ASTN2: variants seen among roughly 807,000 people sequenced by gnomAD.
ASTN2 encodes astrotactin-2.
In ASTN2, 54 loss-of-function variants were observed where a neutral mutation model predicts 139.8. The observed-to-expected ratio is 0.39, with a 90% CI of 0.31 to 0.48. The LOEUF (loss-of-function observed/expected upper bound fraction) is 0.48. Among genes scored for constraint, ASTN2 ranks in the 20% least tolerant of loss-of-function variants. ASTN2 has a pLI of 0.95. For missense variants in ASTN2, 1,565 were observed against 1,725.1 expected (o/e 0.91, Z 1.64); for synonymous variants, 756 against 719.5 (o/e 1.05, Z -0.81).
chr9:117,159,196 T>G (rs1830494114), intron 3 of ASTN2, among the ~76,000 whole-genome samples: 1 of 152,010 alleles, frequency 6.6e-6, no homozygotes, highest in South Asian at 2.1e-4. Flanking sequence ...ATCGCAGGCC[T>G]GTCGTCTGCT....
chr9:116,930,784 A>G (rs1834874771), intron 10 of ASTN2, among the ~76,000 whole-genome samples: 1 of 152,196 alleles, frequency 6.6e-6, no homozygotes, highest in Admixed American at 6.5e-5. Flanking sequence ...CCCAAGGCAG[A>G]CATTTTTTGG....
chr9:117,349,658 T>C (rs1472806093), intron 1 of ASTN2, among the ~76,000 whole-genome samples: 1 of 152,184 alleles, frequency 6.6e-6, no homozygotes, highest in Non-Finnish European at 1.5e-5. Context: ...TAGACTGGAC[T>C]TAATGACTCA....
At chr9:116,831,227 G>A (rs1472491836) in intron 11 of ASTN2, among the ~76,000 whole-genome samples, 3 of 151,938 alleles carry the variant, frequency 2.0e-5, no homozygotes, top group Non-Finnish European at 4.4e-5. Flanking sequence ...AGAGTATGAG[G>A]GTTGACAAAG....
At chr9:117,167,507 A>C (rs983342542) in intron 3 of ASTN2, among the ~76,000 whole-genome samples, 8 of 152,166 alleles carry the variant, frequency 5.3e-5, no homozygotes, top group African/African-American at 1.4e-4. Flanking sequence ...ATCAGAATAC[A>C]ACAAACGCTC....
At chr9:116,441,108 G>T (rs1416721428) in intron 21 of ASTN2, among the ~76,000 whole-genome samples, 1 of 152,078 alleles carries the variant, frequency 6.6e-6, no homozygotes, top group Admixed American at 6.5e-5. Flanking sequence ...TATAATTATT[G>T]TACCTGTGAT....
chr9:117,315,549 G>A (rs1201002958), intron 1 of ASTN2, among the ~76,000 whole-genome samples: 1 of 152,220 alleles, frequency 6.6e-6, no homozygotes, highest in African/African-American at 2.4e-5. Flanking sequence ...ATGGGAGTAA[G>A]AACACCTTCT....
At chr9:117,120,018 GTATATATATATATA>G (rs200361826) in intron 4 of ASTN2, among the ~76,000 whole-genome samples, 8 of 46,000 alleles carry the variant, frequency 1.7e-4, no homozygotes, top group African/African-American at 3.3e-4. Context: ...GTGTGTGTGT[GTATATATATATATA>G]TATATATATA....
At chr9:116,560,173 C>A (rs1246236749) in intron 19 of ASTN2, among the ~76,000 whole-genome samples, 5 of 152,156 alleles carry the variant, frequency 3.3e-5, no homozygotes, top group Non-Finnish European at 7.3e-5. Context: ...TTACACATTT[C>A]TTTGGCTTAT....
intron 20 of ASTN2, among the ~76,000 whole-genome samples, chr9:116,463,697 T>G (rs1055806727): frequency 1.3e-5 from 2 of 152,190 alleles, no homozygotes; most frequent in Admixed American, 6.6e-5. Flanking sequence ...TCCTGTGCTT[T>G]TCTTAGTGTC....
chr9:116,645,893 A>G (rs540097820), intron 17 of ASTN2, among the ~76,000 whole-genome samples: 85 of 152,376 alleles, frequency 5.6e-4, no homozygotes, highest in African/African-American at 2.0e-3. Flanking sequence ...TTCAAGTACT[A>G]TCTAGAAGAG....
intron 17 of ASTN2, among the ~76,000 whole-genome samples, chr9:116,634,329 G>A (rs113465421): frequency 1.0e-3 from 155 of 152,154 alleles, no homozygotes; most frequent in African/African-American, 3.5e-3. Flanking sequence ...GGTGGCTCAC[G>A]CCTGTAATCC....
At chr9:117,000,963 A>G (rs1018259638) in intron 7 of ASTN2, among the ~76,000 whole-genome samples, 4 of 152,184 alleles carry the variant, frequency 2.6e-5, no homozygotes, top group African/African-American at 9.6e-5. Context: ...CCAGCACATC[A>G]CAGATCTAAT....
chr9:116,524,673 T>C (rs1350985149), intron 19 of ASTN2, among the ~76,000 whole-genome samples: 3 of 152,168 alleles, frequency 2.0e-5, no homozygotes, highest in Middle Eastern at 3.2e-3. Flanking sequence ...TTGAAAACCA[T>C]AAAGTTCCCT....
intron 4 of ASTN2, among the ~76,000 whole-genome samples, chr9:117,101,897 G>GT (rs1377117670): frequency 6.6e-6 from 1 of 152,208 alleles, no homozygotes; most frequent in Non-Finnish European, 1.5e-5. Context: ...TGGTGAGGTT[G>GT]TGGAGACGTT....
At chr9:116,781,224 T>C (rs577471956) in intron 13 of ASTN2, among the ~76,000 whole-genome samples, 286 of 152,272 alleles carry the variant, frequency 1.9e-3, no homozygotes, top group African/African-American at 6.6e-3. Context: ...ACTGGAGCTT[T>C]CTACAAAACA....
intron 5 of ASTN2, among the ~76,000 whole-genome samples, chr9:117,062,363 T>A (rs149146804): frequency 6.6e-6 from 1 of 152,160 alleles, no homozygotes; most frequent in Non-Finnish European, 1.5e-5. Flanking sequence ...TTTCCCCCAA[T>A]AGCCCCTTAA....
intron 20 of ASTN2, among the ~76,000 whole-genome samples, chr9:116,458,446 T>C (rs1051184484): frequency 9.2e-5 from 14 of 151,912 alleles, no homozygotes; most frequent in African/African-American, 3.4e-4. Flanking sequence ...TTATTACACA[T>C]CGCATACTTG....
intron 5 of ASTN2, among the ~76,000 whole-genome samples, chr9:117,084,652 A>G (rs1315485826): frequency 1.3e-5 from 2 of 152,244 alleles, no homozygotes; most frequent in East Asian, 3.8e-4. Context: ...CATAGTTGCT[A>G]TAAGTAGTTA....
chr9:116,716,147 T>G (rs889429980), intron 16 of ASTN2, among the ~76,000 whole-genome samples: 3 of 152,120 alleles, frequency 2.0e-5, no homozygotes, highest in African/African-American at 7.2e-5. Context: ...TCTGGGACTG[T>G]GACTGTGACA....
Sources: allele counts gnomAD v4.1 joint callset (sites outside exome capture counted in the v4.1 genomes callset), GRCh38; gene constraint gnomAD v4.1.1; transcripts MANE v1.5; gene names NCBI Gene and HGNC (gene_info 2026-07-23, HGNC 2026-07-21).